The following DLGAP4 variants were observed in gnomAD, a reference collection of about 807,000 sequenced individuals.
DLGAP4 encodes the protein DLG associated protein 4, also known as disks large-associated protein 4.
A neutral mutation model predicts 86.9 loss-of-function variants in DLGAP4; 18 were observed. That is an observed-to-expected ratio of 0.21 (90% CI 0.14 to 0.31). The LOEUF (loss-of-function observed/expected upper bound fraction) is 0.31. DLGAP4 is among the 10% of genes least tolerant of loss of function. The pLI, the probability that DLGAP4 is intolerant of heterozygous loss-of-function variation, is 1.00. For missense variants in DLGAP4, 1,085 were observed against 1,362.6 expected (o/e 0.80, Z 3.21); for synonymous variants, 548 against 574.3 (o/e 0.95, Z 0.65).
chr20:36,517,111 C>A (rs2037087083), intron 10 of DLGAP4, among the ~76,000 whole-genome samples: 1 of 150,736 alleles, frequency 6.6e-6, no homozygotes, highest in South Asian at 2.1e-4. Context: ...GGACGCAGTG[C>A]CTCACGCCTG....
In DLGAP4 at chr20:36,350,442, C is replaced by T. The variant is rs559244315; in HGVS notation, c.-303-16603C>T. Among the ~76,000 whole-genome samples, 6 of 152,298 alleles carry T rather than the reference C, an allele frequency of 3.9e-5. No homozygotes were observed. Among genetic ancestry groups the T allele is most frequent in the South Asian group, 2.1e-4 (1 of 4,832 alleles). On this transcript the variant is annotated intron_variant, in intron 1 of 12. Transcript: ENST00000339266. This position sits in a 1 kb window ranked among gnomAD's most constrained non-coding sequence, Gnocchi z 4.4. ...CCCAGCACCTGCCCCATCCTGACTC[C>T]GCTGACACTCAGAATTCAACTTCCT...
In DLGAP4 at chr20:36,528,166, CCCG is replaced by C. The variant is rs2037884062; in HGVS notation, c.*1138_*1140del. 6.6e-6 allele frequency: 1 copy of C among 151,610 alleles called. No individual in the cohort carries two copies. The highest frequency in any genetic ancestry group is 6.6e-5 in the Admixed American group (1 of 15,220). 9.4% of individuals were successfully genotyped at this position (151,610 alleles called of 1,614,324 possible). Reference sequence around the variant, plus strand: ...TTTTTTTGGTCTCCACCCCCCTCCCCCCGCCCCGCACTCCTAAGGGCCCATCTG... The same window carrying C: ...TTTTTTTGGTCTCCACCCCCCTCCCCCCCCGCACTCCTAAGGGCCCATCTG... On this transcript the variant is annotated 3_prime_UTR_variant, in exon 13 of 13. Coordinates refer to ENST00000339266, the MANE Select transcript of DLGAP4 (RefSeq NM_001365621.2).
chr20:36,381,860 G>T (rs1313003362), intron 2 of DLGAP4, among the ~76,000 whole-genome samples: 3 of 152,168 alleles, frequency 2.0e-5, no homozygotes, highest in Non-Finnish European at 2.9e-5. Flanking sequence ...TCCTTGCCAT[G>T]TTAGGAGAAG....
chr20:36,374,695 T>C (rs1242031809), intron 2 of DLGAP4, among the ~76,000 whole-genome samples: 1 of 152,250 alleles, frequency 6.6e-6, no homozygotes, highest in Non-Finnish European at 1.5e-5. Flanking sequence ...TCTAATGGTC[T>C]AAATTCCTTC....
In DLGAP4 at chr20:36,352,309, G is replaced by A. The variant is rs146207016; in HGVS notation, c.-303-14736G>A. Among the ~76,000 whole-genome samples, 347 of 152,282 alleles carry A rather than the reference G, an allele frequency of 2.3e-3. 1 individual carries two copies. The highest frequency in any genetic ancestry group is 8.0e-3 in the African/African-American group (331 of 41,548). ...TCCACTCAGTGAGATGGGAGCCACT[G>A]AGGGCTTTGAGCAGAGACTGTGTCT... On this transcript the variant is annotated intron_variant, in intron 1 of 12. Coordinates refer to ENST00000339266, the MANE Select transcript of DLGAP4 (RefSeq NM_001365621.2).
chr20:36,364,912 T>A (rs2030631773), intron 1 of DLGAP4, among the ~76,000 whole-genome samples: 1 of 152,066 alleles, frequency 6.6e-6, no homozygotes, highest in Non-Finnish European at 1.5e-5. Context: ...CTGGGCAATA[T>A]AGCGACATTT....
Position 36,442,698 on chromosome 20 carries a change from CCATAACCCT to C in DLGAP4, c.1357-26_1357-18del, listed in dbSNP as rs1186125668. ...CACCCCAGCCCCAGCCCTGGTCCTT[CCATAACCCT>C]CACCCTCTCTTTCCTGCAGATTTTT... On this transcript the variant is annotated intron_variant, in intron 5 of 12. Coordinates refer to ENST00000339266, the MANE Select transcript of DLGAP4 (RefSeq NM_001365621.2). 1.2e-6 allele frequency: 2 copies of C among 1,612,212 alleles called. No individual in the cohort carries two copies. The highest frequency in any genetic ancestry group is 2.2e-5 in the South Asian group (2 of 91,036).
chr20:36,378,831 A>G (rs966995985), intron 2 of DLGAP4, among the ~76,000 whole-genome samples: 29 of 152,082 alleles, frequency 1.9e-4, no homozygotes, highest in Admixed American at 6.5e-5. Context: ...GAGTAATTCT[A>G]TTTGGCTGGA....
rs2036069222 is a variant in DLGAP4, at chr20:36,500,039, A to G, written c.2100-160A>G. Among the ~76,000 whole-genome samples the G allele has an allele frequency of 2.0e-5, 3 of 152,152 alleles. No homozygotes were observed. The South Asian group carries it at 6.2e-4, about 31-fold the overall frequency. On this transcript the variant is annotated intron_variant, in intron 9 of 12. Transcript: ENST00000339266. The surrounding 1 kb of genome is among the most constrained non-coding windows in gnomAD (Gnocchi z 4.6). ...GGATGGGGCAAGGGCTGAGCCAAGA[A>G]TGAGATGGGGGCTGTGGGACCCGCT...
chr20:36,426,242 A>G (rs1327534360), intron 2 of DLGAP4, among the ~76,000 whole-genome samples: 1 of 152,170 alleles, frequency 6.6e-6, no homozygotes, highest in Non-Finnish European at 1.5e-5. Context: ...GCCGCCAGGC[A>G]TAGGGCTCAC....
intron 10 of DLGAP4, among the ~76,000 whole-genome samples, chr20:36,521,563 T>C (rs556310739): frequency 1.1e-4 from 17 of 152,296 alleles, no homozygotes; most frequent in Admixed American, 4.6e-4. Flanking sequence ...TTTTATTCTA[T>C]TCATGGGGCA....
intron 7 of DLGAP4, among the ~76,000 whole-genome samples, chr20:36,459,010 A>C (rs2033954733): frequency 6.6e-6 from 1 of 152,210 alleles, no homozygotes; most frequent in South Asian, 2.1e-4. Flanking sequence ...CAGTTCTGGC[A>C]CCTGAGACAG....
chr20:36,324,162 C>T (rs1555890865), intron 1 of DLGAP4, among the ~76,000 whole-genome samples: 1 of 152,136 alleles, frequency 6.6e-6, no homozygotes, highest in Non-Finnish European at 1.5e-5. Context: ...CACGGTGGCT[C>T]ATACCTGTGA....
intron 1 of DLGAP4, among the ~76,000 whole-genome samples, chr20:36,332,760 G>C (rs1906584375): frequency 6.6e-6 from 1 of 152,070 alleles, no homozygotes; most frequent in South Asian, 2.1e-4. Flanking sequence ...CAGGATCAGA[G>C]CTGGGCCTGC....
Position 36,404,527 on chromosome 20 carries a change from A to G in DLGAP4, c.-72-27119A>G, listed in dbSNP as rs796223145. The stretch of plus-strand genomic sequence containing the variant: ...CCTCCACTCCTGAAAAATCCCACAT[A>G]GATTAGATCCTATTTCATCCATCTC... On this transcript the variant is annotated intron_variant, in intron 2 of 12. Transcript: ENST00000339266. Among the ~76,000 whole-genome samples the G allele has an allele frequency of 7.9e-5, 12 of 152,288 alleles. No individual in the cohort carries two copies. The East Asian group carries it at 2.1e-3, about 27-fold the overall frequency.
intron 2 of DLGAP4, among the ~76,000 whole-genome samples, chr20:36,372,981 G>T (rs7270244): frequency 1.3e-5 from 2 of 152,090 alleles, no homozygotes; most frequent in East Asian, 1.9e-4. Flanking sequence ...TATCTACTTA[G>T]GTATCTACTG....
intron 1 of DLGAP4, among the ~76,000 whole-genome samples, chr20:36,330,295 A>G (rs532221395): frequency 6.6e-6 from 1 of 152,176 alleles, no homozygotes; most frequent in East Asian, 1.9e-4. Flanking sequence ...TGGGGGCTCC[A>G]ACTATCGTGG....
chr20:36,447,904 G>C (rs1400128599), intron 7 of DLGAP4, among the ~76,000 whole-genome samples: 1 of 131,592 alleles, frequency 7.6e-6, no homozygotes, highest in Non-Finnish European at 1.6e-5. Context: ...AGGGGGGTGG[G>C]GGGGGGGGAG....
chr20:36,327,991 A>C (rs1171553281), intron 1 of DLGAP4, among the ~76,000 whole-genome samples: 1 of 151,088 alleles, frequency 6.6e-6, no homozygotes, highest in Non-Finnish European at 1.5e-5. Flanking sequence ...TTGAGGTCAG[A>C]GGTTCGAGAC....
Sources: allele counts gnomAD v4.1 joint callset (sites outside exome capture counted in the v4.1 genomes callset), GRCh38; gene constraint gnomAD v4.1.1; non-coding constraint Gnocchi (gnomAD v3.1); transcripts MANE v1.5; gene names NCBI Gene and HGNC (gene_info 2026-07-23, HGNC 2026-07-21).